SDK2: variants seen among roughly 807,000 people sequenced by gnomAD.
The protein encoded by SDK2 is protein sidekick-2.
SDK2 carries 105 observed loss-of-function variants against 253.9 expected under a neutral mutation model. The observed-to-expected ratio is 0.41, with a 90% CI of 0.35 to 0.49. The LOEUF (loss-of-function observed/expected upper bound fraction) is 0.49, where lower values mean the gene tolerates loss of function less well. SDK2 is among the 20% of genes least tolerant of loss of function. The pLI, the probability that SDK2 is intolerant of heterozygous loss-of-function variation, is 0.06. For missense variants in SDK2, 2,608 were observed against 3,003.0 expected (o/e 0.87, Z 3.07); for synonymous variants, 1,249 against 1,234.9 (o/e 1.01, Z -0.24).
intron 1 of SDK2, among the ~76,000 whole-genome samples, chr17:73,593,707 T>G (rs934606304): frequency 6.6e-6 from 1 of 152,170 alleles, no homozygotes; most frequent in Non-Finnish European, 1.5e-5. Flanking sequence ...ACGGAAGGTG[T>G]TAACTGGATT....
chr17:73,514,420 C>T (rs1599638611), intron 1 of SDK2, among the ~76,000 whole-genome samples: 1 of 152,186 alleles, frequency 6.6e-6, no homozygotes. Flanking sequence ...TCAACTTTTC[C>T]CCTTCTCTGC....
Position 73,379,161 on chromosome 17 carries a change from C to T in SDK2, c.4980+16G>A, listed in dbSNP as rs1309863254. On this transcript the variant is annotated intron_variant, in intron 36 of 44. Transcript: ENST00000392650. This position sits in a 1 kb window ranked among gnomAD's most constrained non-coding sequence, Gnocchi z 4.5. ...CTCATCCGTGCACCCCTTTGCTCTG[C>T]CCGAGGGCACCCTACCTTGTACCCC... 5 of 1,545,424 alleles carry T rather than the reference C, an allele frequency of 3.2e-6. No individual in the cohort carries two copies.
chr17:73,384,159 T>A, intron 32 of SDK2, 148 bp from the exon 33 acceptor site: 1 of 948,660 alleles, frequency 1.1e-6, no homozygotes, highest in South Asian at 1.8e-5. Context: ...CATTTTAAAT[T>A]TACAAAGCAC....
rs184107658 is a variant in SDK2 at position 73,616,714 on chromosome 17, T to G, written c.64+27311A>C. The stretch of plus-strand genomic sequence containing the variant: ...AGAGTTACAGGATAGGAAGCCACTT[T>G]CCTCCTGGGCCCAGCCCTTAGAGAG... On this transcript the variant is annotated intron_variant, in intron 1 of 44. Transcript: ENST00000392650. This position sits in a 1 kb window ranked among gnomAD's most constrained non-coding sequence, Gnocchi z 5.2. Among the ~76,000 whole-genome samples the G allele has an allele frequency of 2.0e-5, 3 of 152,248 alleles. No individual in the cohort carries two copies. In the East Asian group the frequency reaches 5.8e-4, roughly 30 times the overall value.
intron 1 of SDK2, among the ~76,000 whole-genome samples, chr17:73,556,263 T>C (rs1442543186): frequency 6.6e-6 from 1 of 152,228 alleles, no homozygotes; most frequent in Non-Finnish European, 1.5e-5. Context: ...AGCTAACAGC[T>C]TTAGTTAAAT....
At chr17:73,359,078 C>T (rs2062618427) in intron 39 of SDK2, among the ~76,000 whole-genome samples, 1 of 152,098 alleles carries the variant, frequency 6.6e-6, no homozygotes, top group African/African-American at 2.4e-5. Context: ...TCCTGCTCCC[C>T]ACCAAAGGTG....
chr17:73,492,232 G>A (rs1021767150), intron 2 of SDK2, among the ~76,000 whole-genome samples: 1 of 152,122 alleles, frequency 6.6e-6, no homozygotes, highest in Non-Finnish European at 1.5e-5. Flanking sequence ...TAATAATCCC[G>A]GTTGTTTAAG....
At chr17:73,589,754 C>T (rs2045656413) in intron 1 of SDK2, among the ~76,000 whole-genome samples, 1 of 152,220 alleles carries the variant, frequency 6.6e-6, no homozygotes, top group Non-Finnish European at 1.5e-5. Context: ...GAGCAATAAG[C>T]CTCATCCCCA....
At chr17:73,470,957 G>A (rs970342378) in intron 3 of SDK2, among the ~76,000 whole-genome samples, 5 of 152,184 alleles carry the variant, frequency 3.3e-5, no homozygotes, top group African/African-American at 9.7e-5. Context: ...GGACAGGGCT[G>A]GGAAGGTAAC....
rs75212235 is a variant in SDK2 at position 73,434,397 on chromosome 17, A to G, written c.1196-549T>C. The stretch of plus-strand genomic sequence containing the variant: ...GAGCTCGCCAGATGGGCGTGGGAAC[A>G]GAGCTAAGTTCACCTGCACTTGGAA... On this transcript the variant is annotated intron_variant, in intron 9 of 44. Coordinates refer to ENST00000392650, the MANE Select transcript of SDK2 (RefSeq NM_001144952.2). 2.5e-3 allele frequency among the ~76,000 whole-genome samples: 382 copies of G among 152,334 alleles called. 2 individuals are homozygous for G. Among genetic ancestry groups the G allele is most frequent in the African/African-American group, 9.0e-3 (373 of 41,586 alleles).
At chr17:73,562,820 T>C (rs915268441) in intron 1 of SDK2, among the ~76,000 whole-genome samples, 33 of 152,230 alleles carry the variant, frequency 2.2e-4, no homozygotes, top group African/African-American at 7.7e-4. Context: ...TAAGCTTTAC[T>C]AAGACGTGCT....
chr17:73,629,762 C>T lies in SDK2; in HGVS notation c.64+14263G>A, dbSNP rs1374321369. Among the ~76,000 whole-genome samples the T allele has an allele frequency of 6.6e-6, 1 of 152,272 alleles. No homozygotes were observed. The highest frequency in any genetic ancestry group is 2.4e-5 in the African/African-American group (1 of 41,548). ...GCCTTAGACTGGGCTGGATCCTGGG[C>T]ACCTCACTTAGTATACAGATGGTGC... is the stretch of plus-strand genomic sequence containing the variant. On this transcript the variant is annotated intron_variant, in intron 1 of 44. Transcript: ENST00000392650. This position sits in a 1 kb window ranked among gnomAD's most constrained non-coding sequence, Gnocchi z 5.0.
At chr17:73,589,230 A>C (rs2045648553) in intron 1 of SDK2, among the ~76,000 whole-genome samples, 1 of 152,288 alleles carries the variant, frequency 6.6e-6, no homozygotes, top group Non-Finnish European at 1.5e-5. Context: ...TCCAGCTCAC[A>C]GTGATGAATG....
In SDK2 at chr17:73,642,033, A is replaced by C. The variant is rs2046405497; in HGVS notation, c.64+1992T>G. Among the ~76,000 whole-genome samples the C allele has an allele frequency of 6.6e-6, 1 of 152,192 alleles. No individual in the cohort carries two copies. The highest frequency in any genetic ancestry group is 1.5e-5 in the Non-Finnish European group (1 of 68,050). ...GCAGCCTGACACGCAAAAAGCCAGC[A>C]AACAAGAAAGGCAGAGAGGAAGTGA... On this transcript the variant is annotated intron_variant, in intron 1 of 44. Transcript: ENST00000392650. The surrounding 1 kb of genome is among the most constrained non-coding windows in gnomAD (Gnocchi z 4.7).
chr17:73,563,761 C>A (rs2045271741), intron 1 of SDK2, among the ~76,000 whole-genome samples: 1 of 151,414 alleles, frequency 6.6e-6, no homozygotes, highest in Non-Finnish European at 1.5e-5. Context: ...GGTGAGTCTT[C>A]TTTTTTCTCT....
At chr17:73,530,476 G>A (rs1454209295) in intron 1 of SDK2, among the ~76,000 whole-genome samples, 1 of 151,982 alleles carries the variant, frequency 6.6e-6, no homozygotes, top group Non-Finnish European at 1.5e-5. Context: ...TCCCTCCCTC[G>A]ACACCTGGGG....
chr17:73,488,079 G>A lies in SDK2; in HGVS notation c.225-15861C>T, dbSNP rs1016235901. ...CGCCCAGGCTGGAGTGCAGTGGCGC[G>A]ATCTCGGCTCACTGCAAGCTCTGCC... is the stretch of plus-strand genomic sequence containing the variant. On this transcript the variant is annotated intron_variant, in intron 2 of 44. Coordinates refer to ENST00000392650, the MANE Select transcript of SDK2 (RefSeq NM_001144952.2). 4.6e-5 allele frequency among the ~76,000 whole-genome samples: 7 copies of A among 152,114 alleles called. No individual in the cohort carries two copies. In the South Asian group the frequency reaches 1.2e-3, roughly 27 times the overall value.
At chr17:73,477,421 A>G (rs2063693927) in intron 2 of SDK2, among the ~76,000 whole-genome samples, 1 of 152,190 alleles carries the variant, frequency 6.6e-6, no homozygotes, top group Admixed American at 6.5e-5. Context: ...TGGAGAAGGC[A>G]CCAGGACTTC....
In SDK2 at chr17:73,383,738, G is replaced by C; in HGVS notation, c.4705+138C>G. 1.0e-6 allele frequency: 1 copy of C among 970,876 alleles called. No individual in the cohort carries two copies. The highest frequency in any genetic ancestry group is 1.6e-6 in the Non-Finnish European group (1 of 642,560). 60.1% of individuals were successfully genotyped at this position (970,876 alleles called of 1,614,324 possible). ...CAGTAAATGAATGAATGGGATGGGA[G>C]GAGGGAGAGGCACACATGGAGGAGG... On this transcript the variant is annotated intron_variant, in intron 33 of 44. Transcript: ENST00000392650. This position sits in a 1 kb window ranked among gnomAD's most constrained non-coding sequence, Gnocchi z 4.3.
Sources: gnomAD v4.1 joint callset for allele counts (sites outside exome capture counted in the v4.1 genomes callset) on GRCh38, gnomAD v4.1.1 for gene constraint, Gnocchi (gnomAD v3.1) non-coding constraint, MANE v1.5 for transcripts, NCBI Gene and HGNC (gene_info 2026-07-23, HGNC 2026-07-21) for gene names.